NPTXR: variants seen among roughly 807,000 people sequenced by gnomAD.
NPTXR encodes neuronal pentraxin receptor.
In NPTXR, 12 loss-of-function variants were observed where a neutral mutation model predicts 32.2. That is an observed-to-expected ratio of 0.37 (90% CI 0.24 to 0.60). The LOEUF is 0.60. NPTXR is among the 20% of genes least tolerant of loss of function. The pLI is 0.66. For synonymous variants in NPTXR, 323 were observed against 315.8 expected (o/e 1.02, Z -0.24); for missense variants, 612 against 682.9 (o/e 0.90, Z 1.16).
Position 38,843,175 on chromosome 22 carries a change from C to G in NPTXR, c.624+60G>C. The G allele has an allele frequency of 8.0e-7, 1 of 1,256,586 alleles. No individual in the cohort carries two copies. Among genetic ancestry groups the G allele is most frequent in the Non-Finnish European group, 1.0e-6 (1 of 1,000,698 alleles). The allele number at this position is 1,256,586 out of a possible 1,614,324, so 77.8% of individuals were successfully genotyped here. ...GGAGGCTCGGGGACCGCCGGACGACCGCGGCCGGGCGGCCCCTCACACCAC... is the reference window on the plus strand; with the variant it reads ...GGAGGCTCGGGGACCGCCGGACGACGGCGGCCGGGCGGCCCCTCACACCAC... On this transcript the variant is annotated intron_variant, in intron 1 of 4. Coordinates refer to ENST00000333039, the MANE Select transcript of NPTXR (RefSeq NM_014293.4). The surrounding 1 kb of genome is among the most constrained non-coding windows in gnomAD (Gnocchi z 5.3).
chr22:38,843,207 G>C lies in NPTXR; in HGVS notation c.624+28C>G. On this transcript the variant is annotated intron_variant, in intron 1 of 4. Coordinates refer to ENST00000333039, the MANE Select transcript of NPTXR (RefSeq NM_014293.4). This position sits in a 1 kb window ranked among gnomAD's most constrained non-coding sequence, Gnocchi z 5.3. ...GGGCGGCCCCTCACACCACCCGGGC[G>C]GCTCCCCCGACGGCGCGCGGCGCTC... 2 of 1,298,216 alleles carry C rather than the reference G, an allele frequency of 1.5e-6. No homozygotes were observed. Among genetic ancestry groups the C allele is most frequent in the South Asian group, 2.3e-5 (1 of 43,228 alleles). 80.4% of individuals were successfully genotyped at this position (1,298,216 alleles called of 1,614,324 possible). A position where few individuals can be genotyped will look rare whatever the true frequency, so the allele number is the denominator to read the frequency against.
chr22:38,827,668 G>C (rs967889453), intron 2 of NPTXR, among the ~76,000 whole-genome samples: 1 of 152,180 alleles, frequency 6.6e-6, no homozygotes, highest in African/African-American at 2.4e-5. Context: ...AAGCTGAAAG[G>C]TCTTTGAGAG....
intron 1 of NPTXR, among the ~76,000 whole-genome samples, chr22:38,842,695 C>T (rs79259527): frequency 0.033 from 5,065 of 152,184 alleles, 109 homozygotes; most frequent in East Asian, 0.08. Context: ...GTGGGAGATT[C>T]AGGGTAGGGA....
In NPTXR at chr22:38,834,659, C is replaced by T. The variant is rs772712470; in HGVS notation, c.625-6147G>A. 9.9e-5 allele frequency among the ~76,000 whole-genome samples: 15 copies of T among 151,770 alleles called. No individual in the cohort carries two copies. The highest frequency in any genetic ancestry group is 1.9e-4 in the Non-Finnish European group (13 of 67,976). On this transcript the variant is annotated intron_variant, in intron 1 of 4. Transcript: ENST00000333039. The surrounding 1 kb of genome is among the most constrained non-coding windows in gnomAD (Gnocchi z 4.4). ...ATCCATGTGTGCCGCAGCAACATGGCGTCGTAGTTGCAGACACGAACTGTC... is the reference window on the plus strand; with the variant it reads ...ATCCATGTGTGCCGCAGCAACATGGTGTCGTAGTTGCAGACACGAACTGTC...
Position 38,826,507 on chromosome 22 carries a change from T to C in NPTXR, c.1091A>G (p.Asn364Ser), listed in dbSNP as rs147434453. The change falls in exon 3 of 5, where the codon AAC (asparagine) becomes AGC (serine). Residue 364 changes from asparagine (N) to serine (S), a missense_variant. Transcript: ENST00000333039. ...CCTGCCAGCCCTGCCTACCTTGTCG[T>C]TGATCAGCAGCTCCATGGGCTCATG... 1.6e-4 allele frequency: 249 copies of C among 1,604,688 alleles called. No homozygotes were observed. In the African/African-American group the frequency reaches 2.0e-3, roughly 13 times the overall value.
intron 3 of NPTXR, among the ~76,000 whole-genome samples, chr22:38,824,346 G>A (rs1343005463): frequency 6.6e-6 from 1 of 152,064 alleles, no homozygotes; most frequent in Non-Finnish European, 1.5e-5. Context: ...GCCTGGCCTT[G>A]TTGTGGATCC....
At chr22:38,833,225 G>C (rs2093119021) in intron 1 of NPTXR, among the ~76,000 whole-genome samples, 1 of 152,234 alleles carries the variant, frequency 6.6e-6, no homozygotes, top group African/African-American at 2.4e-5. Flanking sequence ...TGAGGCAGAG[G>C]CTGTTCTGGG....
At chr22:38,824,130 C>T (rs997301379) in intron 3 of NPTXR, among the ~76,000 whole-genome samples, 1 of 142,512 alleles carries the variant, frequency 7.0e-6, no homozygotes, top group Non-Finnish European at 1.5e-5. Context: ...GCGTGCACCA[C>T]CATGCCCAGC....
chr22:38,838,455 C>T (rs1304161685), intron 1 of NPTXR, among the ~76,000 whole-genome samples: 1 of 151,976 alleles, frequency 6.6e-6, no homozygotes, highest in African/African-American at 2.4e-5. Context: ...AGTCTCTCGG[C>T]TATCTAGCCG....
At position 38,834,597 on chromosome 22, in the gene NPTXR, CCAT is replaced by C. The variant is rs2093121211; in HGVS notation, c.625-6088_625-6086del. Among the ~76,000 whole-genome samples, 1 of 128,660 alleles carries C rather than the reference CCAT, an allele frequency of 7.8e-6. No individual in the cohort carries two copies. Among genetic ancestry groups the C allele is most frequent in the African/African-American group, 2.9e-5 (1 of 33,948 alleles). The allele number at this position is 128,660 out of a possible 152,430, so 84.4% of individuals were successfully genotyped here. On this transcript the variant is annotated intron_variant, in intron 1 of 4. Transcript: ENST00000333039. The surrounding 1 kb of genome is among the most constrained non-coding windows in gnomAD (Gnocchi z 4.4). ...AGCACTCATCCATCCATCCATCCAT[CCAT>C]CATCCATCCATCCATCCATCCATCC...
In NPTXR at chr22:38,821,345, T is replaced by C. The variant is rs1318518387; in HGVS notation, c.*1264A>G. 3 of 152,354 alleles carry C rather than the reference T, an allele frequency of 2.0e-5. No homozygotes were observed. The highest frequency in any genetic ancestry group is 7.2e-5 in the African/African-American group (3 of 41,444). The allele number at this position is 152,354 out of a possible 1,614,324, so 9.4% of individuals were successfully genotyped here. ...GAGCTGGTTTTTTACAATCCATGCA[T>C]GAGGTTAGTCTGCCTTGAACCTTGC... On this transcript the variant is annotated 3_prime_UTR_variant, in exon 5 of 5. Coordinates refer to ENST00000333039, the MANE Select transcript of NPTXR (RefSeq NM_014293.4).
chr22:38,820,203 T>A lies in NPTXR; in HGVS notation c.*2406A>T, dbSNP rs1486171824. The A allele has an allele frequency of 6.5e-6, 1 of 152,676 alleles. No homozygotes were observed. The highest frequency in any genetic ancestry group is 1.5e-5 in the Non-Finnish European group (1 of 68,060). The allele number at this position is 152,676 out of a possible 1,614,324, so 9.5% of individuals were successfully genotyped here. On this transcript the variant is annotated 3_prime_UTR_variant, in exon 5 of 5. Transcript: ENST00000333039. ...GCACTTGGGTTGATGTCTTTGGCTG[T>A]TACCGTGGCAACCTAGGTCTCAGCA...
intron 1 of NPTXR, among the ~76,000 whole-genome samples, chr22:38,832,363 C>A (rs1203455952): frequency 6.6e-6 from 1 of 152,254 alleles, no homozygotes; most frequent in Admixed American, 6.5e-5. Context: ...CGCCAGCACC[C>A]CCACTCAGCT....
At chr22:38,831,935 A>G (rs1364502969) in intron 1 of NPTXR, among the ~76,000 whole-genome samples, 1 of 152,138 alleles carries the variant, frequency 6.6e-6, no homozygotes, top group Non-Finnish European at 1.5e-5. Flanking sequence ...AATTGTCTAT[A>G]GCAATGGGGC....
intron 1 of NPTXR, among the ~76,000 whole-genome samples, chr22:38,832,081 G>A (rs1169939343): frequency 6.6e-6 from 1 of 152,174 alleles, no homozygotes. Flanking sequence ...TTAAACAGAC[G>A]CTGTTTGGAG....
At chr22:38,826,308 C>G (rs565157333) in intron 3 of NPTXR, among the ~76,000 whole-genome samples, 192 bp downstream of exon 3, 2 of 152,396 alleles carry the variant, frequency 1.3e-5, no homozygotes, top group Admixed American at 1.3e-4. Flanking sequence ...GACACAGCCT[C>G]TCTTCCGGCA....
rs1473680642 is a variant in NPTXR, at chr22:38,824,505, A to G, written c.1099-1243T>C. Among the ~76,000 whole-genome samples, 11 of 152,194 alleles carry G rather than the reference A, an allele frequency of 7.2e-5. No individual in the cohort carries two copies. The South Asian group carries it at 2.3e-3, about 31-fold the overall frequency. ...AGAGGTAGAGGGGATATGGGAACAG[A>G]AGCCACGTCAAAACCCGTCTGGAAG... On this transcript the variant is annotated intron_variant, in intron 3 of 4. Coordinates refer to ENST00000333039, the MANE Select transcript of NPTXR (RefSeq NM_014293.4).
At chr22:38,826,059 G>C (rs371914650) in intron 3 of NPTXR, among the ~76,000 whole-genome samples, 3 of 152,192 alleles carry the variant, frequency 2.0e-5, no homozygotes, top group East Asian at 1.9e-4. Context: ...TAGCCAGGAT[G>C]GTCTCAATCT....
chr22:38,831,137 C>T (rs528582842), intron 1 of NPTXR, among the ~76,000 whole-genome samples: 1 of 152,346 alleles, frequency 6.6e-6, no homozygotes, highest in Non-Finnish European at 1.5e-5. Context: ...ACAGGCTGGG[C>T]ATGGTGGCTC....
Sources: allele counts gnomAD v4.1 joint callset (sites outside exome capture counted in the v4.1 genomes callset), GRCh38; gene constraint gnomAD v4.1.1; non-coding constraint Gnocchi (gnomAD v3.1); transcripts MANE v1.5; gene names NCBI Gene and HGNC (gene_info 2026-07-23, HGNC 2026-07-21).